Variants in THRAP3 observed in about 807,000 individuals in gnomAD.
THRAP3 encodes thyroid hormone receptor associated protein 3, also known as thyroid hormone receptor-associated protein 3.
In THRAP3, 16 loss-of-function variants were observed where a neutral mutation model predicts 101.0. The ratio of observed to expected loss-of-function variants is 0.16; its 90% CI spans 0.11 to 0.24. The LOEUF (loss-of-function observed/expected upper bound fraction) is 0.24, where lower values mean the gene tolerates loss of function less well. Among genes scored for constraint, THRAP3 ranks in the 10% least tolerant of loss-of-function variants. THRAP3 has a pLI of 1.00. For synonymous variants in THRAP3, 407 were observed against 422.6 expected (o/e 0.96, Z 0.45); for missense variants, 989 against 1,202.7 (o/e 0.82, Z 2.63).
At chr1:36,268,073 G>A (rs1023833121) in intron 2 of THRAP3, among the ~76,000 whole-genome samples, 5 of 151,980 alleles carry the variant, frequency 3.3e-5, no homozygotes, top group Admixed American at 6.6e-5. Context: ...CCAGCTACTC[G>A]GGAGGCTGAG....
At chr1:36,290,412 A>G (rs1010679658) in intron 5 of THRAP3, among the ~76,000 whole-genome samples, 2 of 151,822 alleles carry the variant, frequency 1.3e-5, no homozygotes, top group Admixed American at 6.6e-5. Context: ...GATGGTCTCG[A>G]TCTCCTGACC....
intron 1 of THRAP3, among the ~76,000 whole-genome samples, chr1:36,258,422 G>C (rs1198271422): frequency 6.6e-6 from 1 of 152,100 alleles, no homozygotes; most frequent in Non-Finnish European, 1.5e-5. Context: ...ATTGTTATTT[G>C]GTAAAGGATC....
intron 1 of THRAP3, among the ~76,000 whole-genome samples, chr1:36,226,561 G>A (rs990033824): frequency 6.6e-6 from 1 of 152,046 alleles, no homozygotes; most frequent in Non-Finnish European, 1.5e-5. Flanking sequence ...GCCCGGCCAC[G>A]ATTTATTATT....
intron 1 of THRAP3, among the ~76,000 whole-genome samples, chr1:36,258,426 A>G (rs1245155395): frequency 6.6e-6 from 1 of 152,194 alleles, no homozygotes; most frequent in African/African-American, 2.4e-5. Context: ...TTATTTGGTA[A>G]AGGATCTGAA....
chr1:36,293,353 C>G (rs1645902889), intron 7 of THRAP3, among the ~76,000 whole-genome samples: 1 of 152,216 alleles, frequency 6.6e-6, no homozygotes, highest in African/African-American at 2.4e-5. Context: ...TTAGGTAAGC[C>G]TGTATATTAA....
rs187852738 is a variant in THRAP3, at chr1:36,265,058, A to C, written c.-32+5574A>C. Among the ~76,000 whole-genome samples the C allele has an allele frequency of 1.4e-4, 21 of 152,212 alleles. No homozygotes were observed. In the East Asian group the frequency reaches 3.9e-3, roughly 28 times the overall value. On this transcript the variant is annotated intron_variant, in intron 2 of 11. Transcript: ENST00000354618. Reference sequence around the variant, plus strand: ...ACCTCACTAAAGACCCTTAACTTCAAATGAGGTTACATTCTGAGGTACTAG... The same window carrying C: ...ACCTCACTAAAGACCCTTAACTTCACATGAGGTTACATTCTGAGGTACTAG...
Position 36,282,460 on chromosome 1 carries a change from T to C in THRAP3, c.-31-73T>C, listed in dbSNP as rs1231571136. The C allele has an allele frequency of 5.4e-6, 6 of 1,120,720 alleles. No individual in the cohort carries two copies. The African/African-American group carries it at 7.9e-5, about 15-fold the overall frequency. 69.4% of individuals were successfully genotyped at this position (1,120,720 alleles called of 1,614,324 possible). On this transcript the variant is annotated intron_variant, in intron 2 of 11. Transcript: ENST00000354618. The stretch of plus-strand genomic sequence containing the variant: ...TTGCCCAGATTAAAAGAAATGTGTT[T>C]CTAAAATGTCCAAAGAGGTTCACAT...
At chr1:36,277,463 G>A (rs933706667) in intron 2 of THRAP3, among the ~76,000 whole-genome samples, 5 of 151,568 alleles carry the variant, frequency 3.3e-5, no homozygotes, top group African/African-American at 1.2e-4. Flanking sequence ...GTCTCCCAAC[G>A]TGCTGGGATT....
intron 1 of THRAP3, among the ~76,000 whole-genome samples, chr1:36,227,462 A>G (rs912874349): frequency 1.4e-4 from 21 of 151,766 alleles, no homozygotes; most frequent in African/African-American, 4.8e-4. Context: ...TTGTATTTTT[A>G]GTAGAGACAG....
At chr1:36,238,649 T>G (rs548691426) in intron 1 of THRAP3, among the ~76,000 whole-genome samples, 1 of 152,074 alleles carries the variant, frequency 6.6e-6, no homozygotes, top group African/African-American at 2.4e-5. Flanking sequence ...AAATGGACTT[T>G]TAGTCAGCAA....
intron 2 of THRAP3, among the ~76,000 whole-genome samples, chr1:36,265,939 A>T (rs1340480044): frequency 6.6e-6 from 1 of 152,004 alleles, no homozygotes; most frequent in African/African-American, 2.4e-5. Flanking sequence ...GGATCATTTG[A>T]GGTCAGGAGT....
the THRAP3 span, among the ~76,000 whole-genome samples, chr1:36,219,032 CAA>C: frequency 5.9e-4 from 38 of 64,696 alleles, no homozygotes; most frequent in Admixed American, 9.6e-4. Flanking sequence ...GGCTCCATCT[CAA>C]AAAAAAAAAA....
At chr1:36,211,158 G>A in the THRAP3 span, among the ~76,000 whole-genome samples, 1 of 151,400 alleles carries the variant, frequency 6.6e-6, no homozygotes, top group African/African-American at 2.4e-5. Context: ...CCAGGGGTTC[G>A]AGACCAGCCT....
chr1:36,264,839 A>G (rs1005563834), intron 2 of THRAP3, among the ~76,000 whole-genome samples: 1 of 152,258 alleles, frequency 6.6e-6, no homozygotes, highest in South Asian at 2.1e-4. Context: ...ATAAAGTACC[A>G]CAAATGGAGG....
chr1:36,250,405 G>T (rs779263483), intron 1 of THRAP3, among the ~76,000 whole-genome samples: 2 of 151,718 alleles, frequency 1.3e-5, no homozygotes, highest in Non-Finnish European at 2.9e-5. Flanking sequence ...GTAGAGACCA[G>T]GTTTCACTAT....
chr1:36,224,701 C>T (rs1329357000), intron 1 of THRAP3, among the ~76,000 whole-genome samples, 196 bp downstream of exon 1: 1 of 152,176 alleles, frequency 6.6e-6, no homozygotes, highest in Non-Finnish European at 1.5e-5. Context: ...CCCTTTAGGT[C>T]TTCCCCTGGC....
chr1:36,302,038 G>A (rs1343404224), intron 11 of THRAP3, among the ~76,000 whole-genome samples: 1 of 152,096 alleles, frequency 6.6e-6, no homozygotes, highest in East Asian at 1.9e-4. Flanking sequence ...CCCTGATGCC[G>A]CTGTCCCTCT....
intron 2 of THRAP3, among the ~76,000 whole-genome samples, chr1:36,282,240 T>G (rs999718421): frequency 2.4e-5 from 3 of 125,498 alleles, no homozygotes; most frequent in Non-Finnish European, 3.9e-5. Flanking sequence ...TCTCTCTTTT[T>G]TTTTTTTTTG....
the THRAP3 span, among the ~76,000 whole-genome samples, chr1:36,212,926 G>C: frequency 0.01 from 1,556 of 152,298 alleles, 25 homozygotes; most frequent in African/African-American, 0.035. Context: ...GAACTGATGA[G>C]ATAGGCCTTT....
Sources: allele counts gnomAD v4.1 joint callset (sites outside exome capture counted in the v4.1 genomes callset), GRCh38; gene constraint gnomAD v4.1.1; transcripts MANE v1.5; gene names NCBI Gene and HGNC (gene_info 2026-07-23, HGNC 2026-07-21).